Variants in USP6NL observed in about 807,000 individuals in gnomAD.
The protein encoded by USP6NL is USP6 N-terminal-like protein.
A neutral mutation model predicts 61.9 loss-of-function variants in USP6NL; 26 were observed. The observed-to-expected ratio is 0.42, with a 90% confidence interval of 0.31 to 0.58. The LOEUF is 0.58. Ranked by LOEUF, USP6NL falls within the 20% of genes least tolerant of loss-of-function variation. USP6NL has a pLI of 0.16. For missense variants in USP6NL, 1,114 were observed against 1,034.3 expected, an observed-to-expected ratio of 1.08 and a Z score of -1.06; for synonymous variants, 432 against 390.1, an observed-to-expected ratio of 1.11 and a Z score of -1.27.
At position 11,589,139 on chromosome 10, in the gene USP6NL, C is replaced by T. The variant is rs1431556828; in HGVS notation, c.4+8492G>A. Among the ~76,000 whole-genome samples the T allele has an allele frequency of 6.6e-6, 1 of 152,186 alleles. No homozygotes were observed. Among genetic ancestry groups the T allele is most frequent in the African/African-American group, 2.4e-5 (1 of 41,428 alleles). On this transcript the variant is annotated intron_variant, in intron 2 of 14. Transcript: ENST00000609104. The surrounding 1 kb of genome is among the most constrained non-coding windows in gnomAD (Gnocchi z 4.7). ...GGTTTCCCCTTAGCAGTAAGGCAAC[C>T]TGCTTTATATAGCTTCTAGGTCACA...
rs958070983 is a variant in USP6NL, at chr10:11,596,485, C to G, written c.4+1146G>C. On this transcript the variant is annotated intron_variant, in intron 2 of 14. Transcript: ENST00000609104. The surrounding 1 kb of genome is among the most constrained non-coding windows in gnomAD (Gnocchi z 4.1). ...AAATACAAAAAAAAATTAGCTGGGC[C>G]TGGTGGCGGGCGCCTGTAGTCCCAG... is the stretch of plus-strand genomic sequence containing the variant. 1.7e-4 allele frequency among the ~76,000 whole-genome samples: 26 copies of G among 151,988 alleles called. No individual in the cohort carries two copies. The East Asian group carries it at 3.9e-3, about 23-fold the overall frequency.
chr10:11,568,099 C>T (rs1229275263), intron 2 of USP6NL, among the ~76,000 whole-genome samples: 1 of 151,910 alleles, frequency 6.6e-6, no homozygotes, highest in Non-Finnish European at 1.5e-5. Flanking sequence ...AATGCACAAC[C>T]TTCTAAGACT....
chr10:11,465,036 C>T lies in USP6NL; in HGVS notation c.1079-1187G>A. Among the ~76,000 whole-genome samples, 1 of 152,176 alleles carries T rather than the reference C, an allele frequency of 6.6e-6. No individual in the cohort carries two copies. The highest frequency in any genetic ancestry group is 1.9e-4 in the East Asian group (1 of 5,202). On this transcript the variant is annotated intron_variant, in intron 14 of 14. Transcript: ENST00000609104. This position sits in a 1 kb window ranked among gnomAD's most constrained non-coding sequence, Gnocchi z 4.5. ...CAAAAGTTTTTTTCTATCAGCTCTA[C>T]AAATAGGTAGTCATCCATTTAGTCC...
Position 11,518,716 on chromosome 10 carries a change from T to TGA in USP6NL, c.156-143_156-142insTC. 2 of 638,330 alleles carry TGA rather than the reference T, an allele frequency of 3.1e-6. No homozygotes were observed. Among genetic ancestry groups the TGA allele is most frequent in the Non-Finnish European group, 5.2e-6 (2 of 381,522 alleles). The allele number at this position is 638,330 out of a possible 1,614,324, so 39.5% of individuals were successfully genotyped here. ...ATAGGCTTCCATTCATTGAATTCAA[T>TGA]ATGAAATGATAGCTACTCTAGAACC... On this transcript the variant is annotated intron_variant, in intron 4 of 14. Transcript: ENST00000609104. This position sits in a 1 kb window ranked among gnomAD's most constrained non-coding sequence, Gnocchi z 5.3.
At chr10:11,516,241 T>TA (rs1295943743) in intron 5 of USP6NL, among the ~76,000 whole-genome samples, 1 of 152,158 alleles carries the variant, frequency 6.6e-6, no homozygotes, top group African/African-American at 2.4e-5. Context: ...TGTAAAATAA[T>TA]ACATTGGCAA....
At chr10:11,581,874 T>G (rs529300826) in intron 2 of USP6NL, among the ~76,000 whole-genome samples, 1 of 152,158 alleles carries the variant, frequency 6.6e-6, no homozygotes, top group Non-Finnish European at 1.5e-5. Flanking sequence ...CAGGTTCACA[T>G]GATTCTCCCT....
chr10:11,588,270 A>ATGCTGTACAATG (rs1182682894), intron 2 of USP6NL, among the ~76,000 whole-genome samples: 6 of 152,272 alleles, frequency 3.9e-5, no homozygotes, highest in Non-Finnish European at 8.8e-5. Flanking sequence ...CTGGAGGAGC[A>ATGCTGTACAATG]AAATGCTGTA....
chr10:11,521,741 C>T (rs535488170), intron 4 of USP6NL, among the ~76,000 whole-genome samples: 1 of 152,248 alleles, frequency 6.6e-6, no homozygotes, highest in African/African-American at 2.4e-5. Flanking sequence ...TCATTTTATA[C>T]AGTCACAGTA....
intron 7 of USP6NL, among the ~76,000 whole-genome samples, chr10:11,493,859 A>G (rs56059052): frequency 0.085 from 12,548 of 146,898 alleles, 596 homozygotes; most frequent in South Asian, 0.2. Context: ...CTGCCTGTGC[A>G]GCCTGACCTC....
Position 11,525,689 on chromosome 10 carries a change from T to C in USP6NL, c.73-221A>G, listed in dbSNP as rs1339941716. Among the ~76,000 whole-genome samples the C allele has an allele frequency of 6.6e-6, 1 of 152,188 alleles. No individual in the cohort carries two copies. Among genetic ancestry groups the C allele is most frequent in the East Asian group, 1.9e-4 (1 of 5,198 alleles). ...CTAGTTATGACTCTGGAAGATGCTGTGTGTCAGCAGCAGCTGACGCGGAGC... is the reference window on the plus strand; with the variant it reads ...CTAGTTATGACTCTGGAAGATGCTGCGTGTCAGCAGCAGCTGACGCGGAGC... On this transcript the variant is annotated intron_variant, in intron 3 of 14. Coordinates refer to ENST00000609104, the MANE Select transcript of USP6NL (RefSeq NM_014688.5). This position sits in a 1 kb window ranked among gnomAD's most constrained non-coding sequence, Gnocchi z 5.0.
At position 11,482,149 on chromosome 10, in the gene USP6NL, G is replaced by A. The variant is rs776329074; in HGVS notation, c.926-227C>T. Among the ~76,000 whole-genome samples the A allele has an allele frequency of 2.8e-4, 42 of 152,128 alleles. No homozygotes were observed. Among genetic ancestry groups the A allele is most frequent in the Non-Finnish European group, 5.7e-4 (39 of 68,018 alleles). On this transcript the variant is annotated intron_variant, in intron 13 of 14. Coordinates refer to ENST00000609104, the MANE Select transcript of USP6NL (RefSeq NM_014688.5). The surrounding 1 kb of genome is among the most constrained non-coding windows in gnomAD (Gnocchi z 4.0). ...AGGAAAGTTTACTGGGAGAAAGGAT[G>A]GGAGGAGAATACTGCCTAATACTTC...
In USP6NL at chr10:11,463,019, CG is replaced by C; in HGVS notation, c.1908del (p.Val637PhefsTer28). On this transcript the variant is annotated frameshift_variant, in exon 15 of 15. Transcript: ENST00000609104. LOFTEE classifies it low-confidence loss of function (END_TRUNC). The surrounding 1 kb of genome is among the most constrained non-coding windows in gnomAD (Gnocchi z 6.3). Reference sequence around the variant, plus strand: ...TGTTTGGGAGAGTTTCCGTGGTAAACGGGGGGATTGCTGTAGGAGGGGGGAT... The same window carrying C: ...TGTTTGGGAGAGTTTCCGTGGTAAACGGGGGATTGCTGTAGGAGGGGGGAT... ...LAHPPSYSNPPVYHGNSPKHF... is the reference protein window; with the variant it reads ...LAHPPSYSNPXVYHGNSPKHF... 6.2e-7 allele frequency: 1 copy of C among 1,613,696 alleles called. No individual in the cohort carries two copies. The highest frequency in any genetic ancestry group is 1.1e-5 in the South Asian group (1 of 91,078).
chr10:11,485,233 T>A lies in USP6NL; in HGVS notation c.761A>T (p.Asp254Val). Residue 254 changes from aspartate to valine, a missense_variant and splice_region_variant, in exon 12 of 15, where the codon GAT becomes GTT. By Grantham distance (152) the Asp-to-Val change is radical. Coordinates refer to ENST00000609104, the MANE Select transcript of USP6NL (RefSeq NM_014688.5). This position sits in a 1 kb window ranked among gnomAD's most constrained non-coding sequence, Gnocchi z 4.8. ...KFLSKLKQHL[D>V]SQEIYTSFYT... The stretch of plus-strand genomic sequence containing the variant: ...AAAACTTGTGTAGATTTCTTGAGAA[T>A]CCTGAAAAAACAAAGAGCTCACAAT... 1 of 1,520,400 alleles carries A rather than the reference T, an allele frequency of 6.6e-7. No individual in the cohort carries two copies. Among genetic ancestry groups the A allele is most frequent in the Non-Finnish European group, 8.8e-7 (1 of 1,138,972 alleles). 94.2% of individuals were successfully genotyped at this position (1,520,400 alleles called of 1,614,324 possible). A position where few individuals can be genotyped will look rare whatever the true frequency, so the allele number is the denominator to read the frequency against.
At position 11,540,274 on chromosome 10, in the gene USP6NL, A is replaced by C. The variant is rs1835995348; in HGVS notation, c.5-12707T>G. ...TATATGAAATATTCTTTGTGGTCAT[A>C]ATCAACTGGACCTGCTATATTATGT... On this transcript the variant is annotated intron_variant, in intron 2 of 14. Coordinates refer to ENST00000609104, the MANE Select transcript of USP6NL (RefSeq NM_014688.5). This position sits in a 1 kb window ranked among gnomAD's most constrained non-coding sequence, Gnocchi z 5.0. 6.6e-6 allele frequency among the ~76,000 whole-genome samples: 1 copy of C among 152,204 alleles called. No individual in the cohort carries two copies. Among genetic ancestry groups the C allele is most frequent in the Non-Finnish European group, 1.5e-5 (1 of 68,030 alleles).
At position 11,532,148 on chromosome 10, in the gene USP6NL, T is replaced by C. The variant is rs1566162910; in HGVS notation, c.5-4581A>G. 8 of 1,474,504 alleles carry C rather than the reference T, an allele frequency of 5.4e-6. No individual in the cohort carries two copies. Among genetic ancestry groups the C allele is most frequent in the Non-Finnish European group, 6.5e-6 (7 of 1,079,276 alleles). 91.3% of individuals were successfully genotyped at this position (1,474,504 alleles called of 1,614,324 possible). ...TTTTGACAGATGAACGTTAAAAATA[T>C]AAACAACATCAATTTTAAAAGTACT... On this transcript the variant is annotated intron_variant, in intron 2 of 14. Coordinates refer to ENST00000609104, the MANE Select transcript of USP6NL (RefSeq NM_014688.5). The surrounding 1 kb of genome is among the most constrained non-coding windows in gnomAD (Gnocchi z 4.1).
At chr10:11,552,204 T>C (rs1318273261) in intron 2 of USP6NL, among the ~76,000 whole-genome samples, 1 of 152,158 alleles carries the variant, frequency 6.6e-6, no homozygotes, top group Non-Finnish European at 1.5e-5. Flanking sequence ...TATTCAGCAA[T>C]GTGAGACTTA....
chr10:11,495,029 C>T lies in USP6NL; in HGVS notation c.385-1801G>A, dbSNP rs991524693. Among the ~76,000 whole-genome samples the T allele has an allele frequency of 7.5e-5, 11 of 145,852 alleles. No homozygotes were observed. Among genetic ancestry groups the T allele is most frequent in the African/African-American group, 2.3e-4 (9 of 38,722 alleles). ...ACTCCCTTTCCCTCTGCTAAGTAGC[C>T]GGTGTTTTCCCTTGACACTTACGCT... On this transcript the variant is annotated intron_variant, in intron 7 of 14. Coordinates refer to ENST00000609104, the MANE Select transcript of USP6NL (RefSeq NM_014688.5). This position sits in a 1 kb window ranked among gnomAD's most constrained non-coding sequence, Gnocchi z 4.6.
chr10:11,553,859 C>G lies in USP6NL; in HGVS notation c.5-26292G>C, dbSNP rs1049095289. On this transcript the variant is annotated intron_variant, in intron 2 of 14. Transcript: ENST00000609104. This position sits in a 1 kb window ranked among gnomAD's most constrained non-coding sequence, Gnocchi z 4.8. ...TGCAGTGAGCCGAGATCGTGCCACT[C>G]CAGCCTGGGCAACAGAGTAAGACTC... Among the ~76,000 whole-genome samples, 2 of 150,762 alleles carry G rather than the reference C, an allele frequency of 1.3e-5. No homozygotes were observed. Among genetic ancestry groups the G allele is most frequent in the African/African-American group, 4.9e-5 (2 of 40,900 alleles).
At chr10:11,480,600 C>T (rs1346839093) in intron 14 of USP6NL, among the ~76,000 whole-genome samples, 1 of 152,230 alleles carries the variant, frequency 6.6e-6, no homozygotes, top group Non-Finnish European at 1.5e-5. Context: ...TCCTAGGAGC[C>T]TGGATGACCT....
Sources: allele counts gnomAD v4.1 joint callset (sites outside exome capture counted in the v4.1 genomes callset), GRCh38; gene constraint gnomAD v4.1.1; non-coding constraint Gnocchi (gnomAD v3.1); transcripts MANE v1.5; gene names NCBI Gene and HGNC (gene_info 2026-07-23, HGNC 2026-07-21).